CHIC2: variants seen among roughly 807,000 people sequenced by gnomAD.
The protein encoded by CHIC2 is cysteine rich hydrophobic domain 2.
A neutral mutation model predicts 25.9 loss-of-function variants in CHIC2; 14 were observed. The observed-to-expected ratio is 0.54, with a 90% CI of 0.36 to 0.85. The LOEUF (loss-of-function observed/expected upper bound fraction) is 0.85, where lower values mean the gene tolerates loss of function less well. Among genes scored for constraint, CHIC2 ranks in the 40% least tolerant of loss-of-function variants. The pLI is 0.01. For synonymous variants in CHIC2, 70 were observed against 72.0 expected (o/e 0.97, Z 0.14); for missense variants, 146 against 202.0 (o/e 0.72, Z 1.68).
At chr4:54,035,447 A>G (rs935527280) in intron 3 of CHIC2, among the ~76,000 whole-genome samples, 6 of 152,244 alleles carry the variant, frequency 3.9e-5, no homozygotes, top group African/African-American at 1.4e-4. Flanking sequence ...CATCTATTTT[A>G]TCTTGGTTAA....
At chr4:54,081,995 T>C in the CHIC2 span, among the ~76,000 whole-genome samples, 1 of 152,200 alleles carries the variant, frequency 6.6e-6, no homozygotes, top group Non-Finnish European at 1.5e-5. Context: ...AAGATAACTA[T>C]GTGTGCCATG....
intron 3 of CHIC2, among the ~76,000 whole-genome samples, chr4:54,044,586 C>T (rs9760032): frequency 0.39 from 58,809 of 150,770 alleles, 12,519 homozygotes; most frequent in African/African-American, 0.55. Flanking sequence ...ATAAAGATGT[C>T]CTTTGAAACC....
intron 3 of CHIC2, among the ~76,000 whole-genome samples, chr4:54,047,190 C>G (rs1398343776): frequency 2.0e-5 from 3 of 152,200 alleles, no homozygotes; most frequent in Admixed American, 6.5e-5. Context: ...AACACTTTTA[C>G]ACTGTTGGTG....
intron 3 of CHIC2, among the ~76,000 whole-genome samples, chr4:54,014,850 T>C (rs1261550434): frequency 1.3e-5 from 2 of 152,138 alleles, no homozygotes; most frequent in East Asian, 3.9e-4. Context: ...GTGCCAGGTG[T>C]TAGGATGAGA....
At chr4:54,072,843 C>T in the CHIC2 span, among the ~76,000 whole-genome samples, 7 of 152,214 alleles carry the variant, frequency 4.6e-5, no homozygotes, top group Admixed American at 1.3e-4. Flanking sequence ...GAGGCCAAGG[C>T]GGATGGATCA....
At chr4:54,054,038 T>A (rs556090686) in intron 1 of CHIC2, among the ~76,000 whole-genome samples, 14 of 152,326 alleles carry the variant, frequency 9.2e-5, no homozygotes, top group Non-Finnish European at 1.8e-4. Flanking sequence ...TCCGCCCACC[T>A]TGGCCTCCCA....
chr4:54,026,560 G>A (rs1261097730), intron 3 of CHIC2, among the ~76,000 whole-genome samples: 1 of 152,062 alleles, frequency 6.6e-6, no homozygotes, highest in African/African-American at 2.4e-5. Flanking sequence ...CTTTTTTACA[G>A]ATATGTTATG....
intron 3 of CHIC2, among the ~76,000 whole-genome samples, chr4:54,048,056 T>G (rs1008611825): frequency 6.6e-6 from 1 of 152,162 alleles, no homozygotes; most frequent in African/African-American, 2.4e-5. Context: ...TGGCACGATC[T>G]CAGCTCACTG....
intron 1 of CHIC2, among the ~76,000 whole-genome samples, chr4:54,049,818 G>A (rs915711217): frequency 6.6e-6 from 1 of 152,068 alleles, no homozygotes; most frequent in African/African-American, 2.4e-5. Flanking sequence ...TGGACAAAGT[G>A]CTACCAAGAA....
At chr4:54,019,932 T>A (rs1415310428) in intron 3 of CHIC2, among the ~76,000 whole-genome samples, 1 of 152,014 alleles carries the variant, frequency 6.6e-6, no homozygotes, top group Non-Finnish European at 1.5e-5. Flanking sequence ...AGATAAAAAT[T>A]AATAAATATA....
At chr4:54,060,988 C>T (rs961779371) in intron 1 of CHIC2, 1 of 151,998 alleles carries the variant, frequency 6.6e-6, no homozygotes, top group Admixed American at 6.6e-5. Context: ...ACAAGATTTC[C>T]CCATATTGCT....
chr4:54,017,176 G>A (rs1315936141), intron 3 of CHIC2, among the ~76,000 whole-genome samples: 2 of 150,394 alleles, frequency 1.3e-5, no homozygotes, highest in African/African-American at 5.0e-5. Context: ...CAACAGTGTC[G>A]AACTCTACAC....
chr4:54,057,865 T>C (rs756687936), intron 1 of CHIC2, among the ~76,000 whole-genome samples: 2 of 152,214 alleles, frequency 1.3e-5, no homozygotes, highest in Non-Finnish European at 2.9e-5. Context: ...CTTCTCTTAC[T>C]TTATATGCAG....
the CHIC2 span, among the ~76,000 whole-genome samples, chr4:54,084,485 A>G: frequency 8.2e-6 from 1 of 121,946 alleles, no homozygotes; most frequent in South Asian, 2.5e-4. Flanking sequence ...CTGATCTCAG[A>G]AAAATTACAA....
At chr4:54,049,858 G>GACCA in intron 1 of CHIC2, among the ~76,000 whole-genome samples, 1 of 152,142 alleles carries the variant, frequency 6.6e-6, no homozygotes, top group South Asian at 2.1e-4. Flanking sequence ...ACACCTATTT[G>GACCA]TCAGTGCATT....
intron 3 of CHIC2, among the ~76,000 whole-genome samples, chr4:54,046,624 C>T (rs1716828087): frequency 2.0e-5 from 3 of 152,172 alleles, no homozygotes; most frequent in African/African-American, 4.8e-5. Flanking sequence ...GGATCCCTTC[C>T]TTACACCTTA....
chr4:54,049,356 A>G (rs1046675412), intron 1 of CHIC2, 51 bp from the exon 2 acceptor site: 7 of 1,190,802 alleles, frequency 5.9e-6, no homozygotes, highest in Admixed American at 2.2e-5. Flanking sequence ...TGTTGCCAAA[A>G]ATGTAGACCA....
At chr4:54,066,446 C>G (rs1717521136), upstream of CHIC2, among the ~76,000 whole-genome samples, 1 of 152,022 alleles carries the variant, frequency 6.6e-6, no homozygotes, top group African/African-American at 2.4e-5. Context: ...ATTTAATATT[C>G]CCCCAAGAAC....
chr4:54,046,774 G>A (rs922722411), intron 3 of CHIC2, among the ~76,000 whole-genome samples: 1 of 152,174 alleles, frequency 6.6e-6, no homozygotes, highest in African/African-American at 2.4e-5. Flanking sequence ...AAAAGCAATG[G>A]CAACAAAAGT....
Sources: gnomAD v4.1 joint callset for allele counts (sites outside exome capture counted in the v4.1 genomes callset) on GRCh38, gnomAD v4.1.1 for gene constraint, MANE v1.5 for transcripts, NCBI Gene and HGNC (gene_info 2026-07-23, HGNC 2026-07-21) for gene names.